LRIG1: variants seen among roughly 807,000 people sequenced by gnomAD.
The protein encoded by LRIG1 is leucine-rich repeats and immunoglobulin-like domains protein 1.
A neutral mutation model predicts 99.2 loss-of-function variants in LRIG1; 48 were observed. That is an observed-to-expected ratio of 0.48 (90% CI 0.38 to 0.62). LRIG1 has a LOEUF of 0.62. LRIG1 is among the 20% of genes least tolerant of loss of function. The pLI is 0.00. For missense variants in LRIG1, 1,646 were observed against 1,434.4 expected, an observed-to-expected ratio of 1.15 and a Z score of -2.38; for synonymous variants, 772 against 596.1, an observed-to-expected ratio of 1.29 and a Z score of -4.30.
rs1701354651 is a variant in LRIG1 at position 66,386,024 on chromosome 3, G to A, written c.1746C>T (p.His582=). 5 of 1,614,198 alleles carry A rather than the reference G, an allele frequency of 3.1e-6. No homozygotes were observed. Among genetic ancestry groups the A allele is most frequent in the Non-Finnish European group, 4.2e-6 (5 of 1,180,034 alleles). Residue 582 remains histidine (H), a synonymous_variant, in exon 13 of 19, where the codon CAC becomes CAT. Transcript: ENST00000273261. Reference sequence around the variant, plus strand: ...CCTTATGTGAATAGGTGGAGCCAAAGTGGTTGGTGATGACACATTGGTAGC... The same window carrying A: ...CCTTATGTGAATAGGTGGAGCCAAAATGGTTGGTGATGACACATTGGTAGC... ...EGRYQCVITN[H]FGSTYSHKAR...
intron 7 of LRIG1, among the ~76,000 whole-genome samples, chr3:66,408,197 C>T (rs1702344506): frequency 6.6e-6 from 1 of 152,134 alleles, no homozygotes; most frequent in African/African-American, 2.4e-5. Context: ...AAAATTGGGG[C>T]TGGGGCAGGG....
At chr3:66,486,662 G>A (rs540731926) in intron 1 of LRIG1, among the ~76,000 whole-genome samples, 1 of 152,308 alleles carries the variant, frequency 6.6e-6, no homozygotes, top group East Asian at 1.9e-4. Flanking sequence ...AACGAAAAGG[G>A]TCACAATAAG....
chr3:66,447,188 T>C (rs991147816), intron 3 of LRIG1, among the ~76,000 whole-genome samples: 27 of 152,358 alleles, frequency 1.8e-4, no homozygotes, highest in Middle Eastern at 3.4e-3. Flanking sequence ...GGGGCATCCA[T>C]GCCCTCAAGC....
chr3:66,427,374 T>G (rs1204464748), intron 3 of LRIG1, among the ~76,000 whole-genome samples: 1 of 152,272 alleles, frequency 6.6e-6, no homozygotes, highest in Non-Finnish European at 1.5e-5. Flanking sequence ...CTCATATTAC[T>G]GACGGAAGAT....
At chr3:66,489,517 T>C (rs1007089240) in intron 1 of LRIG1, among the ~76,000 whole-genome samples, 3 of 63,102 alleles carry the variant, frequency 4.8e-5, no homozygotes, top group Admixed American at 1.9e-4. Context: ...GTGGGACCCT[T>C]TGTGTGTATG....
chr3:66,441,427 T>G (rs1156260455), intron 3 of LRIG1, among the ~76,000 whole-genome samples: 1 of 152,066 alleles, frequency 6.6e-6, no homozygotes, highest in Non-Finnish European at 1.5e-5. Context: ...CACTGTACCT[T>G]TCACAGATGG....
intron 6 of LRIG1, among the ~76,000 whole-genome samples, chr3:66,410,625 C>T (rs1327215912): frequency 2.0e-5 from 3 of 152,310 alleles, no homozygotes; most frequent in South Asian, 2.1e-4. Context: ...ATCGCTTGAG[C>T]TCGGGAGTTC....
intron 8 of LRIG1, among the ~76,000 whole-genome samples, chr3:66,406,573 C>G (rs770808423): frequency 6.6e-6 from 1 of 152,180 alleles, no homozygotes; most frequent in Non-Finnish European, 1.5e-5. Flanking sequence ...CAGTGGATTA[C>G]GCCTGAGAAG....
At position 66,432,702 on chromosome 3, in the gene LRIG1, A is replaced by G. The variant is rs1011964352; in HGVS notation, c.366-15436T>C. On this transcript the variant is annotated intron_variant, in intron 3 of 18. Coordinates refer to ENST00000273261, the MANE Select transcript of LRIG1 (RefSeq NM_015541.3). ...TCCATATCCCACACTCCTAGTCAGGATGTGGAACTGCCTCACCAGGGAAGC... is the reference window on the plus strand; with the variant it reads ...TCCATATCCCACACTCCTAGTCAGGGTGTGGAACTGCCTCACCAGGGAAGC... Among the ~76,000 whole-genome samples, 4 of 152,254 alleles carry G rather than the reference A, an allele frequency of 2.6e-5. No homozygotes were observed. The East Asian group carries it at 7.7e-4, about 29-fold the overall frequency.
At chr3:66,427,242 G>A (rs1023948017) in intron 3 of LRIG1, among the ~76,000 whole-genome samples, 5 of 152,148 alleles carry the variant, frequency 3.3e-5, no homozygotes, top group African/African-American at 1.2e-4. Flanking sequence ...CATACAGCAC[G>A]CACTCAAAAT....
chr3:66,380,469 C>CCCCT lies in LRIG1; in HGVS notation c.3075_3076insAGGG (p.Ala1026ArgfsTer43). On this transcript the variant is annotated frameshift_variant, in exon 19 of 19. Transcript: ENST00000273261. LOFTEE classifies it low-confidence loss of function (END_TRUNC). ...GTGGAGTCCGGGTGATACAACCTTG[C>CCCCT]TAAAGTCCAGGAAGAATCCCCTACA... is the stretch of plus-strand genomic sequence containing the variant. 6.2e-7 allele frequency: 1 copy of CCCCT among 1,614,142 alleles called. No homozygotes were observed. The highest frequency in any genetic ancestry group is 8.5e-7 in the Non-Finnish European group (1 of 1,180,026).
At chr3:66,438,380 A>G (rs2106767793) in intron 3 of LRIG1, among the ~76,000 whole-genome samples, 1 of 152,342 alleles carries the variant, frequency 6.6e-6, no homozygotes, top group East Asian at 1.9e-4. Flanking sequence ...AAGAACATAC[A>G]GCCCAGGCCT....
chr3:66,488,920 G>A (rs983408748), intron 1 of LRIG1, among the ~76,000 whole-genome samples: 3 of 152,228 alleles, frequency 2.0e-5, no homozygotes, highest in Non-Finnish European at 4.4e-5. Context: ...GTGGCCCTGA[G>A]AAAGGACCCT....
intron 1 of LRIG1, among the ~76,000 whole-genome samples, chr3:66,497,242 A>T (rs1213422264): frequency 1.3e-5 from 2 of 152,230 alleles, no homozygotes. Context: ...CTCTCAGGAC[A>T]TTTAAACTAG....
At chr3:66,405,773 C>T (rs1325281614) in intron 8 of LRIG1, 51 of 1,180,450 alleles carry the variant, frequency 4.3e-5, no homozygotes, top group East Asian at 6.8e-5. Context: ...GTCTGGAGCC[C>T]GGAGCCCATC....
intron 3 of LRIG1, among the ~76,000 whole-genome samples, chr3:66,422,542 A>T (rs1279474848): frequency 6.6e-6 from 1 of 152,204 alleles, no homozygotes. Flanking sequence ...TCCATCTGAG[A>T]CCACCTCAGC....
At chr3:66,455,141 C>T (rs1308585026) in intron 2 of LRIG1, among the ~76,000 whole-genome samples, 8 of 152,118 alleles carry the variant, frequency 5.3e-5, no homozygotes, top group Admixed American at 3.9e-4. Context: ...CACGGGGTTT[C>T]GTCATGTTGG....
At chr3:66,417,053 G>C in intron 4 of LRIG1, 76 bp downstream of exon 4, 2 of 1,571,488 alleles carry the variant, frequency 1.3e-6, no homozygotes, top group South Asian at 2.3e-5. Context: ...CCTGCATCCA[G>C]AACTGGGTGC....
intron 3 of LRIG1, among the ~76,000 whole-genome samples, chr3:66,420,429 G>A (rs1196294658): frequency 1.3e-5 from 2 of 152,160 alleles, no homozygotes; most frequent in Non-Finnish European, 2.9e-5. Flanking sequence ...AAATTAAACA[G>A]AGGCACACCA....
Sources: gnomAD v4.1 joint callset for allele counts (sites outside exome capture counted in the v4.1 genomes callset) on GRCh38, gnomAD v4.1.1 for gene constraint, MANE v1.5 for transcripts, NCBI Gene and HGNC (gene_info 2026-07-23, HGNC 2026-07-21) for gene names.